The following MRNIP variants were observed in gnomAD, a reference collection of about 807,000 sequenced individuals.
The protein encoded by MRNIP is MRN complex interacting protein, also known as MRN complex-interacting protein.
In MRNIP, 30 loss-of-function variants were observed where a neutral mutation model predicts 29.8. The ratio of observed to expected loss-of-function variants is 1.01; its 90% CI spans 0.75 to 1.36. The LOEUF (loss-of-function observed/expected upper bound fraction) is 1.36, where lower values mean the gene tolerates loss of function less well. Ranked by LOEUF, MRNIP falls within the 40% of genes most tolerant of loss-of-function variation. MRNIP has a pLI of 0.00. For missense variants in MRNIP, 459 were observed against 423.5 expected, an observed-to-expected ratio of 1.08 and a Z score of -0.74; for synonymous variants, 201 against 164.1, an observed-to-expected ratio of 1.23 and a Z score of -1.72.
intron 4 of MRNIP, among the ~76,000 whole-genome samples, chr5:179,842,737 A>C (rs1582042012): frequency 8.5e-6 from 1 of 117,346 alleles, no homozygotes; most frequent in Non-Finnish European, 1.8e-5. Flanking sequence ...AAAAGAACAG[A>C]GGGGTGGAAA....
intron 2 of MRNIP, chr5:179,850,976 G>A: frequency 9.5e-6 from 3 of 314,756 alleles, no homozygotes; most frequent in South Asian, 8.3e-5. Flanking sequence ...AAGATGGCAG[G>A]AGCTTGGATC....
chr5:179,858,798 C>G lies in MRNIP; in HGVS notation c.-2G>C, dbSNP rs1440399911. The G allele has an allele frequency of 6.5e-7, 1 of 1,539,982 alleles. No homozygotes were observed. The highest frequency in any genetic ancestry group is 8.7e-7 in the Non-Finnish European group (1 of 1,143,962). ...CCGAGAACGCTGAAGCGACGCCATCCCTGCTTGTGCAGTCGCCAGGCAGCC... is the reference window on the plus strand; with the variant it reads ...CCGAGAACGCTGAAGCGACGCCATCGCTGCTTGTGCAGTCGCCAGGCAGCC... On this transcript the variant is annotated 5_prime_UTR_variant, in exon 1 of 7. Coordinates refer to ENST00000292586, the MANE Select transcript of MRNIP (RefSeq NM_016175.4).
chr5:179,840,569 G>C, intron 6 of MRNIP: 1 of 529,822 alleles, frequency 1.9e-6, no homozygotes, highest in Non-Finnish European at 3.3e-6. Context: ...GCTCCACGCA[G>C]AATGAGACGA....
chr5:179,851,244 T>C (rs1408163259), intron 2 of MRNIP: 1 of 455,804 alleles, frequency 2.2e-6, no homozygotes, highest in Non-Finnish European at 4.4e-6. Context: ...TCTGCCTACC[T>C]GGTAAGCCAG....
At chr5:179,857,137 G>C (rs1319169219) in intron 1 of MRNIP, among the ~76,000 whole-genome samples, 2 of 151,834 alleles carry the variant, frequency 1.3e-5, no homozygotes, top group African/African-American at 2.4e-5. Flanking sequence ...ACATGGAAGA[G>C]TGAAACAGGA....
At chr5:179,851,460 T>G (rs1055468072) in intron 2 of MRNIP, 2 of 455,404 alleles carry the variant, frequency 4.4e-6, no homozygotes, top group African/African-American at 4.0e-5. Flanking sequence ...GAGGAGAAAA[T>G]AGAGTAAAGA....
chr5:179,853,154 T>C, intron 2 of MRNIP: 1 of 1,346,270 alleles, frequency 7.4e-7, no homozygotes, highest in Non-Finnish European at 1.0e-6. Flanking sequence ...ACACAGAAAG[T>C]ACTCAAGAAA....
At chr5:179,855,256 T>C (rs755335156) in intron 1 of MRNIP, among the ~76,000 whole-genome samples, 41 of 152,162 alleles carry the variant, frequency 2.7e-4, no homozygotes, top group South Asian at 2.1e-4. Flanking sequence ...GAGATTCTCC[T>C]GCCTCAGTCT....
At chr5:179,858,124 T>G (rs1326573586) in intron 1 of MRNIP, among the ~76,000 whole-genome samples, 1 of 151,856 alleles carries the variant, frequency 6.6e-6, no homozygotes, top group Non-Finnish European at 1.5e-5. Flanking sequence ...GACTGCAGTG[T>G]TAAGTGATAT....
chr5:179,844,282 G>C, intron 3 of MRNIP, 55 bp from the exon 4 acceptor site: 1 of 1,431,346 alleles, frequency 7.0e-7, no homozygotes, highest in East Asian at 2.3e-5. Context: ...GCTGGGCACA[G>C]TGGCTCACTC....
chr5:179,844,248 A>G (rs761242680), intron 3 of MRNIP, 21 bp from the exon 4 acceptor site: 1 of 1,604,486 alleles, frequency 6.2e-7, no homozygotes, highest in East Asian at 2.2e-5. Flanking sequence ...GACCATACAT[A>G]TGCCCTTTGA....
At chr5:179,838,199 G>A (rs1758699956) in intron 6 of MRNIP, 1 of 423,152 alleles carries the variant, frequency 2.4e-6, no homozygotes, top group Non-Finnish European at 4.3e-6. Flanking sequence ...ATTTTGAGCA[G>A]AAGGGCCTCG....
intron 1 of MRNIP, among the ~76,000 whole-genome samples, chr5:179,857,038 ATTGT>A (rs990210340): frequency 6.6e-6 from 1 of 152,170 alleles, no homozygotes; most frequent in Non-Finnish European, 1.5e-5. Flanking sequence ...GCGAGCTGTG[ATTGT>A]TACCACTGCA....
chr5:179,843,103 A>C (rs903469820), intron 4 of MRNIP, among the ~76,000 whole-genome samples: 27 of 151,132 alleles, frequency 1.8e-4, no homozygotes, highest in African/African-American at 6.0e-4. Flanking sequence ...GGCAAGCAGA[A>C]GTGTGGAAAC....
intron 1 of MRNIP, among the ~76,000 whole-genome samples, chr5:179,857,517 C>G (rs986132200): frequency 6.6e-6 from 1 of 152,004 alleles, no homozygotes; most frequent in Non-Finnish European, 1.5e-5. Context: ...TTTTAAAAAA[C>G]AGCATGAAAC....
chr5:179,850,084 C>G (rs921339753), intron 2 of MRNIP, among the ~76,000 whole-genome samples: 2 of 152,092 alleles, frequency 1.3e-5, no homozygotes, highest in Admixed American at 6.5e-5. Context: ...TGCTATGGCA[C>G]AGGCAGATGG....
intron 6 of MRNIP, chr5:179,840,567 C>T: frequency 1.9e-6 from 1 of 520,352 alleles, no homozygotes; most frequent in Non-Finnish European, 3.4e-6. Flanking sequence ...GTGCTCCACG[C>T]AGAATGAGAC....
rs769319285 is a variant in MRNIP, at chr5:179,837,634, C to G, written c.789G>C (p.Lys263Asn). The G allele has an allele frequency of 6.2e-7, 1 of 1,614,212 alleles. No individual in the cohort carries two copies. Among genetic ancestry groups the G allele is most frequent in the Admixed American group, 1.7e-5 (1 of 60,024 alleles). ...DPRPAGPAQA[K>N]QGTPRAQASR... ...AGGCCTGTGCTCTGGGGGTCCCTTGCTTAGCCTGTGCTGGACCAGCTGGCC... is the reference window on the plus strand; with the variant it reads ...AGGCCTGTGCTCTGGGGGTCCCTTGGTTAGCCTGTGCTGGACCAGCTGGCC... The change falls in exon 7 of 7, where the codon AAG (lysine) becomes AAC (asparagine). Residue 263 changes from lysine (K) to asparagine (N), a missense_variant. Physicochemically the swap from Lys to Asn is moderately conservative, Grantham distance 94 (BLOSUM62 0). Transcript: ENST00000292586.
At chr5:179,848,113 G>C in intron 2 of MRNIP, 47 bp from the exon 3 acceptor site, 1 of 1,423,606 alleles carries the variant, frequency 7.0e-7, no homozygotes, top group Non-Finnish European at 9.9e-7. Flanking sequence ...CTGGCAGAAT[G>C]CTGAGAAACA....
Sources: allele counts gnomAD v4.1 joint callset (sites outside exome capture counted in the v4.1 genomes callset), GRCh38; gene constraint gnomAD v4.1.1; transcripts MANE v1.5; gene names NCBI Gene and HGNC (gene_info 2026-07-23, HGNC 2026-07-21).